Variants in SHROOM3 observed in about 807,000 individuals in gnomAD.
The protein encoded by SHROOM3 is protein Shroom3.
A neutral mutation model predicts 138.6 loss-of-function variants in SHROOM3; 47 were observed. The observed-to-expected ratio is 0.34, with a 90% confidence interval of 0.27 to 0.43. The LOEUF (loss-of-function observed/expected upper bound fraction) is 0.43. Ranked by LOEUF, SHROOM3 falls within the 20% of genes least tolerant of loss-of-function variation. SHROOM3 has a pLI of 1.00. For missense variants in SHROOM3, 2,491 were observed against 2,596.5 expected (o/e 0.96, Z 0.88); for synonymous variants, 1,062 against 1,063.3 (o/e 1.00, Z 0.02).
rs955990001 is a variant in SHROOM3, at chr4:76,584,965, C to T, written c.323+29202C>T. 2.0e-5 allele frequency among the ~76,000 whole-genome samples: 3 copies of T among 152,224 alleles called. No individual in the cohort carries two copies. The East Asian group carries it at 5.8e-4, about 29-fold the overall frequency. Reference sequence around the variant, plus strand: ...CACCCCATTCCTATCCCACATTTGCCTCAATTTCATTTCCTTAGATTTCAC... The same window carrying T: ...CACCCCATTCCTATCCCACATTTGCTTCAATTTCATTTCCTTAGATTTCAC... On this transcript the variant is annotated intron_variant, in intron 2 of 10. Coordinates refer to ENST00000296043, the MANE Select transcript of SHROOM3 (RefSeq NM_020859.4).
At chr4:76,653,291 G>A (rs1478111559) in intron 2 of SHROOM3, among the ~76,000 whole-genome samples, 1 of 151,858 alleles carries the variant, frequency 6.6e-6, no homozygotes, top group Non-Finnish European at 1.5e-5. Context: ...GTTTGGGGTT[G>A]GATAGTTCTT....
intron 2 of SHROOM3, among the ~76,000 whole-genome samples, chr4:76,679,867 G>A (rs1719140360): frequency 6.6e-6 from 1 of 152,144 alleles, no homozygotes; most frequent in Admixed American, 6.5e-5. Flanking sequence ...CACTTGTGGA[G>A]TTTTACCTTT....
chr4:76,775,633 G>T (rs1578040283), intron 10 of SHROOM3, among the ~76,000 whole-genome samples: 1 of 150,684 alleles, frequency 6.6e-6, no homozygotes, highest in South Asian at 2.1e-4. Flanking sequence ...TGCAAAAAAG[G>T]GAACCAGCCC....
intron 1 of SHROOM3, among the ~76,000 whole-genome samples, chr4:76,551,989 G>A (rs1450985388): frequency 6.7e-6 from 1 of 148,398 alleles, no homozygotes; most frequent in Admixed American, 6.7e-5. Flanking sequence ...AGCCTCCCGA[G>A]TAGCTGGGAC....
intron 1 of SHROOM3, among the ~76,000 whole-genome samples, chr4:76,451,879 A>G (rs1730933888): frequency 6.6e-6 from 1 of 152,202 alleles, no homozygotes; most frequent in African/African-American, 2.4e-5. Context: ...TGCCCAGGCT[A>G]GAGTACAGAG....
rs569596662 is a variant in SHROOM3 at position 76,715,290 on chromosome 4, T to C, written c.455+5003T>C. Among the ~76,000 whole-genome samples the C allele has an allele frequency of 1.1e-3, 165 of 152,336 alleles. 1 individual carries two copies. The highest frequency in any genetic ancestry group is 3.8e-3 in the African/African-American group (160 of 41,582). On this transcript the variant is annotated intron_variant, in intron 3 of 10. Transcript: ENST00000296043. ...GCCAGAAGCTCATTTCCCAGGTATA[T>C]ATAGGAGCCAGTGAAACAACCAAGT... is the stretch of plus-strand genomic sequence containing the variant.
chr4:76,777,143 G>A lies in SHROOM3; in HGVS notation c.5623-1666G>A, dbSNP rs181812547. Reference sequence around the variant, plus strand: ...TTCTAGTTCTGTGAAGAATGATGGCGGTATTTTGATGGGAATTGCATTGAA... The same window carrying A: ...TTCTAGTTCTGTGAAGAATGATGGCAGTATTTTGATGGGAATTGCATTGAA... On this transcript the variant is annotated intron_variant, in intron 10 of 10. Transcript: ENST00000296043. 5.3e-4 allele frequency among the ~76,000 whole-genome samples: 80 copies of A among 152,158 alleles called. 1 individual carries two copies. Among genetic ancestry groups the A allele is most frequent in the African/African-American group, 1.7e-3 (71 of 41,518 alleles).
chr4:76,602,183 T>C (rs1734521145), intron 2 of SHROOM3, among the ~76,000 whole-genome samples: 1 of 152,216 alleles, frequency 6.6e-6, no homozygotes, highest in Non-Finnish European at 1.5e-5. Flanking sequence ...CTTGACTTAT[T>C]TTATGAACTA....
chr4:76,452,421 C>T (rs906971044), intron 1 of SHROOM3, among the ~76,000 whole-genome samples: 4 of 152,200 alleles, frequency 2.6e-5, no homozygotes, highest in African/African-American at 7.2e-5. Context: ...CTGGCAACCG[C>T]CATTCTACTT....
chr4:76,667,966 CAAAAAAAAAA>C (rs747974205), intron 2 of SHROOM3, among the ~76,000 whole-genome samples: 3 of 62,552 alleles, frequency 4.8e-5, no homozygotes, highest in Admixed American at 2.1e-4. Flanking sequence ...GACTCCCTCT[CAAAAAAAAAA>C]AAAAAAAAAA....
intron 1 of SHROOM3, among the ~76,000 whole-genome samples, chr4:76,553,292 T>C (rs572797379): frequency 6.6e-6 from 1 of 152,202 alleles, no homozygotes; most frequent in South Asian, 2.1e-4. Flanking sequence ...TTTATTTTTT[T>C]TGAGACGGGG....
At chr4:76,710,913 G>C (rs35277047) in intron 3 of SHROOM3, among the ~76,000 whole-genome samples, 39 of 152,216 alleles carry the variant, frequency 2.6e-4, no homozygotes, top group Non-Finnish European at 4.6e-4. Flanking sequence ...GGAGGCAGTG[G>C]ATTCAAATTC....
Position 76,749,078 on chromosome 4 carries a change from G to T in SHROOM3, c.3815G>T (p.Gly1272Val). 6.2e-7 allele frequency: 1 copy of T among 1,613,954 alleles called. No individual in the cohort carries two copies. The highest frequency in any genetic ancestry group is 8.5e-7 in the Non-Finnish European group (1 of 1,179,910). Residue 1272 changes from glycine to valine, a missense_variant, in exon 6 of 11, where the codon GGT (glycine) becomes GTT (valine). Around this residue, in one of 4 missense-constraint regions of SHROOM3, gnomAD observed 1,733 missense variants for 1,661.6 expected, o/e 1.04. Coordinates refer to ENST00000296043, the MANE Select transcript of SHROOM3 (RefSeq NM_020859.4). ...GLVKDPCYLA[G>V]PGSRSLSCSE... ...GTGAAGGATCCATGTTATTTGGCTG[G>T]TCCTGGATCTAGGTATGTACATGTA...
intron 1 of SHROOM3, among the ~76,000 whole-genome samples, chr4:76,470,938 A>G (rs1731356340): frequency 6.6e-6 from 1 of 152,158 alleles, no homozygotes; most frequent in Non-Finnish European, 1.5e-5. Context: ...TATTAATGTA[A>G]GTGGTGAATT....
chr4:76,442,519 C>T (rs1382110845), intron 1 of SHROOM3, among the ~76,000 whole-genome samples: 3 of 151,254 alleles, frequency 2.0e-5, no homozygotes, highest in African/African-American at 4.9e-5. Context: ...ACGCCATTCT[C>T]CTGCCTCAGC....
Position 76,608,743 on chromosome 4 carries a change from T to TAGCATAGCATAGCACAGCAC in SHROOM3, c.323+52984_323+52985insTAGCATAGCACAGCACAGCA, listed in dbSNP as rs1270655131. The stretch of plus-strand genomic sequence containing the variant: ...CAGCACAGCACAGCATAGCATAGCA[T>TAGCATAGCATAGCACAGCAC]AGCACAGTGTCAGGTTAGAAGGCCT... On this transcript the variant is annotated intron_variant, in intron 2 of 10. Transcript: ENST00000296043. 3.8e-5 allele frequency among the ~76,000 whole-genome samples: 5 copies of TAGCATAGCATAGCACAGCAC among 130,438 alleles called. 1 individual carries two copies. Among genetic ancestry groups the TAGCATAGCATAGCACAGCAC allele is most frequent in the Non-Finnish European group, 8.5e-5 (5 of 58,824 alleles). 85.6% of individuals were successfully genotyped at this position (130,438 alleles called of 152,430 possible). A position where few individuals can be genotyped will look rare whatever the true frequency, so the allele number is the denominator to read the frequency against.
chr4:76,719,724 C>T (rs1720479145), intron 3 of SHROOM3, among the ~76,000 whole-genome samples: 1 of 152,150 alleles, frequency 6.6e-6, no homozygotes, highest in African/African-American at 2.4e-5. Context: ...TTGCTAGTCC[C>T]TCTCTTTTAT....
At chr4:76,488,251 A>T (rs891816783) in intron 1 of SHROOM3, among the ~76,000 whole-genome samples, 2 of 152,214 alleles carry the variant, frequency 1.3e-5, no homozygotes, top group African/African-American at 4.8e-5. Context: ...CCATATTTTT[A>T]GCAACGTTAC....
At chr4:76,552,659 T>C (rs760039573) in intron 1 of SHROOM3, among the ~76,000 whole-genome samples, 3 of 151,180 alleles carry the variant, frequency 2.0e-5, no homozygotes, top group Non-Finnish European at 2.9e-5. Context: ...TAGATATCTA[T>C]ATATGTATGT....
Sources: allele counts gnomAD v4.1 joint callset (sites outside exome capture counted in the v4.1 genomes callset), GRCh38; gene constraint gnomAD v4.1.1; regional missense constraint gnomAD v4.1.1; transcripts MANE v1.5; gene names NCBI Gene and HGNC (gene_info 2026-07-23, HGNC 2026-07-21).